Variants in TBC1D5 observed in about 807,000 individuals in gnomAD.
The protein encoded by TBC1D5 is TBC1 domain family member 5, also known as TBC1 domain family, member 5.
TBC1D5 carries 75 observed loss-of-function variants against 100.3 expected under a neutral mutation model. That is an observed-to-expected ratio of 0.75 (90% CI 0.62 to 0.91). The LOEUF is 0.91. Ranked by LOEUF, TBC1D5 falls within the 40% of genes least tolerant of loss-of-function variation. The pLI, the probability that TBC1D5 is intolerant of heterozygous loss-of-function variation, is 0.00. For missense variants in TBC1D5, 910 were observed against 942.4 expected (o/e 0.97, Z 0.45); for synonymous variants, 323 against 325.6 (o/e 0.99, Z 0.09).
intron 17 of TBC1D5, among the ~76,000 whole-genome samples, chr3:17,229,883 C>T (rs1054820759): frequency 5.9e-5 from 9 of 152,098 alleles, no homozygotes; most frequent in Admixed American, 2.6e-4. Flanking sequence ...GCCTTTTGAA[C>T]GTAAAGGGCA....
chr3:17,590,106 G>C (rs955349714), intron 2 of TBC1D5, among the ~76,000 whole-genome samples: 10 of 152,166 alleles, frequency 6.6e-5, no homozygotes, highest in Non-Finnish European at 1.0e-4. Flanking sequence ...CTAGACTAAA[G>C]TCCCAGCGGG....
intron 15 of TBC1D5, among the ~76,000 whole-genome samples, chr3:17,283,483 G>C (rs1219077364): frequency 6.6e-6 from 1 of 152,044 alleles, no homozygotes; most frequent in African/African-American, 2.4e-5. Flanking sequence ...TATACAGAAG[G>C]CAGCTAAGAT....
chr3:17,679,665 C>T (rs946825756), intron 1 of TBC1D5, among the ~76,000 whole-genome samples: 1 of 151,494 alleles, frequency 6.6e-6, no homozygotes. Flanking sequence ...ATGTGAAGTA[C>T]ATTATACATT....
At chr3:17,674,167 A>G (rs1005836121) in intron 1 of TBC1D5, among the ~76,000 whole-genome samples, 1 of 152,162 alleles carries the variant, frequency 6.6e-6, no homozygotes, top group Non-Finnish European at 1.5e-5. Context: ...GAAATTCAGT[A>G]CCACAAGTAC....
chr3:17,367,028 C>G (rs1187804798), intron 13 of TBC1D5, among the ~76,000 whole-genome samples: 5 of 152,098 alleles, frequency 3.3e-5, no homozygotes, highest in Non-Finnish European at 4.4e-5. Context: ...TGACGAAGCC[C>G]AAGCGTGTTA....
intron 13 of TBC1D5, among the ~76,000 whole-genome samples, chr3:17,336,271 G>A (rs376262495): frequency 8.6e-5 from 13 of 152,010 alleles, no homozygotes; most frequent in African/African-American, 3.1e-4. Flanking sequence ...ATATGGCCTA[G>A]AAAACAAAGG....
intron 2 of TBC1D5, among the ~76,000 whole-genome samples, chr3:17,566,085 AAC>A (rs1398531446): frequency 6.6e-6 from 1 of 151,780 alleles, no homozygotes; most frequent in Non-Finnish European, 1.5e-5. Context: ...GAACAAATCA[AAC>A]AGTTTTAAAG....
chr3:17,610,746 G>T (rs918881693), intron 2 of TBC1D5, among the ~76,000 whole-genome samples: 3 of 152,186 alleles, frequency 2.0e-5, no homozygotes, highest in Admixed American at 2.0e-4. Flanking sequence ...GCCGGACGTG[G>T]AGGCTAACAC....
At chr3:17,238,509 G>C (rs2076057018) in intron 16 of TBC1D5, 90 bp from the exon 17 acceptor site, 1 of 1,426,470 alleles carries the variant, frequency 7.0e-7, no homozygotes. Flanking sequence ...CACCTTGTCT[G>C]CTTTGAAAAA....
chr3:17,509,663 G>C (rs996680930), intron 2 of TBC1D5, among the ~76,000 whole-genome samples: 1 of 151,934 alleles, frequency 6.6e-6, no homozygotes, highest in Non-Finnish European at 1.5e-5. Context: ...AGTATTAAGA[G>C]TATTAAACCT....
chr3:17,630,233 T>C (rs181767077), intron 1 of TBC1D5, among the ~76,000 whole-genome samples: 1 of 152,334 alleles, frequency 6.6e-6, no homozygotes, highest in African/African-American at 2.4e-5. Flanking sequence ...CCTACTTTTA[T>C]TGAGCTTTGT....
chr3:17,678,238 C>T (rs1400250237), intron 1 of TBC1D5, among the ~76,000 whole-genome samples: 1 of 152,074 alleles, frequency 6.6e-6, no homozygotes, highest in Non-Finnish European at 1.5e-5. Flanking sequence ...TAATGTGGCA[C>T]AATAAGTGCT....
At chr3:17,735,740 G>A (rs918886419) in intron 1 of TBC1D5, among the ~76,000 whole-genome samples, 1 of 152,196 alleles carries the variant, frequency 6.6e-6, no homozygotes, top group African/African-American at 2.4e-5. Context: ...TGGGCACCTC[G>A]CTGGATCAGG....
chr3:17,545,577 T>G (rs1560129921), intron 2 of TBC1D5, among the ~76,000 whole-genome samples: 1 of 152,216 alleles, frequency 6.6e-6, no homozygotes, highest in African/African-American at 2.4e-5. Flanking sequence ...CAAAAATGAG[T>G]AACATTTGCC....
rs1315269157 is a variant in TBC1D5, at chr3:17,728,466, T to A, written c.-101+10877A>T. On this transcript the variant is annotated intron_variant, in intron 1 of 21. Coordinates refer to ENST00000253692, the Ensembl canonical transcript of TBC1D5. Reference sequence around the variant, plus strand: ...CATAAAGAGAATAATGAGGGAAGTCTGGTCCTATTCAGATATTATAATGTA... The same window carrying A: ...CATAAAGAGAATAATGAGGGAAGTCAGGTCCTATTCAGATATTATAATGTA... Among the ~76,000 whole-genome samples the A allele has an allele frequency of 3.3e-5, 5 of 152,144 alleles. No homozygotes were observed. In the East Asian group the frequency reaches 9.6e-4, roughly 29 times the overall value.
intron 2 of TBC1D5, among the ~76,000 whole-genome samples, chr3:17,531,536 A>C (rs2096225582): frequency 6.6e-6 from 1 of 152,206 alleles, no homozygotes; most frequent in African/African-American, 2.4e-5. Flanking sequence ...AGTCAATCCT[A>C]AGCCAAAAGA....
At chr3:17,686,806 T>G (rs2070350099) in intron 1 of TBC1D5, among the ~76,000 whole-genome samples, 1 of 152,152 alleles carries the variant, frequency 6.6e-6, no homozygotes, top group African/African-American at 2.4e-5. Flanking sequence ...GTGTCACAAC[T>G]AGGGAGAATT....
intron 15 of TBC1D5, among the ~76,000 whole-genome samples, chr3:17,266,454 C>T (rs2078859472): frequency 6.6e-6 from 1 of 152,024 alleles, no homozygotes; most frequent in Non-Finnish European, 1.5e-5. Context: ...TGACTAAGGA[C>T]AATATTCATT....
chr3:17,189,992 T>C (rs2069663850), intron 18 of TBC1D5, among the ~76,000 whole-genome samples: 1 of 152,250 alleles, frequency 6.6e-6, no homozygotes, highest in African/African-American at 2.4e-5. Flanking sequence ...GTGGTGTTTC[T>C]ATCATTCTGC....
Sources: allele counts gnomAD v4.1 joint callset (sites outside exome capture counted in the v4.1 genomes callset), GRCh38; gene constraint gnomAD v4.1.1; transcripts MANE v1.5; gene names NCBI Gene and HGNC (gene_info 2026-07-23, HGNC 2026-07-21).